Variants in PALM2AKAP2 observed in about 807,000 individuals in gnomAD.
PALM2AKAP2 encodes PALM2-AKAP2 fusion protein.
In PALM2AKAP2, 37 loss-of-function variants were observed where a neutral mutation model predicts 71.5. The ratio of observed to expected loss-of-function variants is 0.52; its 90% CI spans 0.40 to 0.68. The LOEUF (loss-of-function observed/expected upper bound fraction) is 0.68, where lower values mean the gene tolerates loss of function less well. Ranked by LOEUF, PALM2AKAP2 falls within the 30% of genes least tolerant of loss-of-function variation. PALM2AKAP2 has a pLI of 0.00. For missense variants in PALM2AKAP2, 1,224 were observed against 1,191.8 expected (o/e 1.03, Z -0.40); for synonymous variants, 468 against 478.8 (o/e 0.98, Z 0.29).
chr9:109,923,804 A>G (rs1309434051), exon 4 of PALM2AKAP2: 4 of 1,603,548 alleles, frequency 2.5e-6, no homozygotes, highest in Non-Finnish European at 3.4e-6. Flanking sequence ...AAATCATCCT[A>G]GAGAAACTGA....
intron 1 of PALM2AKAP2, among the ~76,000 whole-genome samples, chr9:109,822,264 CATCT>C (rs1415245635): frequency 1.7e-5 from 2 of 117,538 alleles, no homozygotes; most frequent in East Asian, 2.8e-4. Context: ...CTTCCCCATC[CATCT>C]ATCCATCCAT....
intron 1 of PALM2AKAP2, among the ~76,000 whole-genome samples, chr9:109,863,930 A>G (rs1342544241): frequency 1.3e-5 from 2 of 152,128 alleles, no homozygotes; most frequent in Non-Finnish European, 2.9e-5. Context: ...AAATACAAAT[A>G]TTAGCCAAGC....
chr9:109,879,114 A>T (rs1164798866), intron 2 of PALM2AKAP2, among the ~76,000 whole-genome samples: 2 of 152,198 alleles, frequency 1.3e-5, no homozygotes, highest in South Asian at 4.1e-4. Flanking sequence ...GAGTCTATGG[A>T]ATTGTGCATC....
chr9:109,932,206 C>T (rs2277146), intron 6 of PALM2AKAP2, among the ~76,000 whole-genome samples, 178 bp downstream of exon 6: 39,701 of 152,166 alleles, frequency 0.26, 5,689 homozygotes, highest in East Asian at 0.55. Flanking sequence ...AGATGGGTAA[C>T]TGAGGACCAA....
At chr9:109,772,410 A>G (rs536827211) in intron 1 of PALM2AKAP2, among the ~76,000 whole-genome samples, 2 of 152,334 alleles carry the variant, frequency 1.3e-5, no homozygotes, top group South Asian at 4.1e-4. Context: ...CTCTGAATGA[A>G]TGCAGAAAGA....
intron 1 of PALM2AKAP2, among the ~76,000 whole-genome samples, chr9:109,679,589 T>C (rs540242374): frequency 1.3e-5 from 2 of 152,280 alleles, no homozygotes; most frequent in African/African-American, 2.4e-5. Flanking sequence ...ACTAATAATA[T>C]TGGGTTTTTC....
chr9:109,968,495 A>T (rs1040989569), intron 6 of PALM2AKAP2, among the ~76,000 whole-genome samples: 1 of 152,190 alleles, frequency 6.6e-6, no homozygotes, highest in Admixed American at 6.5e-5. Flanking sequence ...GTCTAGCTAT[A>T]TCATCAACAG....
intron 3 of PALM2AKAP2, among the ~76,000 whole-genome samples, chr9:109,899,159 C>T (rs1830274131): frequency 6.6e-6 from 1 of 152,054 alleles, no homozygotes; most frequent in African/African-American, 2.4e-5. Context: ...TCCCCCCAGA[C>T]ACCTATAACT....
chr9:109,717,537 A>G (rs566644642), intron 1 of PALM2AKAP2, among the ~76,000 whole-genome samples: 6 of 152,358 alleles, frequency 3.9e-5, no homozygotes, highest in Admixed American at 3.3e-4. Context: ...TGATTGAAAC[A>G]GGAAAGTACA....
intron 1 of PALM2AKAP2, among the ~76,000 whole-genome samples, chr9:109,866,269 T>G (rs996697947): frequency 2.6e-5 from 4 of 152,290 alleles, no homozygotes; most frequent in African/African-American, 9.6e-5. Flanking sequence ...GCAGCCAGGC[T>G]TCCGCATTGT....
At chr9:109,894,072 C>T (rs992194714) in intron 3 of PALM2AKAP2, among the ~76,000 whole-genome samples, 13 of 148,802 alleles carry the variant, frequency 8.7e-5, no homozygotes, top group African/African-American at 3.2e-4. Flanking sequence ...TGTGGTGGCT[C>T]ATGCCTGTAA....
chr9:109,986,150 A>G (rs974696923), intron 6 of PALM2AKAP2, among the ~76,000 whole-genome samples: 9 of 152,228 alleles, frequency 5.9e-5, no homozygotes, highest in Non-Finnish European at 1.2e-4. Flanking sequence ...AAGCCTTGGT[A>G]TAGTGTGTTC....
At chr9:109,729,423 G>A (rs77991757) in intron 1 of PALM2AKAP2, among the ~76,000 whole-genome samples, 6,490 of 152,282 alleles carry the variant, frequency 0.043, 191 homozygotes, top group Non-Finnish European at 0.053. Flanking sequence ...ATGAGGATTG[G>A]ATCGCTTCCA....
chr9:109,970,001 G>T (rs531557040), intron 6 of PALM2AKAP2, among the ~76,000 whole-genome samples: 2 of 152,350 alleles, frequency 1.3e-5, no homozygotes, highest in East Asian at 3.9e-4. Flanking sequence ...ACTGGAGAGT[G>T]CAACACAGGA....
chr9:110,135,152 CA>C (rs1198538795), intron 1 of PALM2AKAP2, among the ~76,000 whole-genome samples: 583 of 26,998 alleles, frequency 0.022, 54 homozygotes, highest in East Asian at 0.067. Context: ...TCTGTCTCTA[CA>C]AAAAAAAAAA....
intron 6 of PALM2AKAP2, among the ~76,000 whole-genome samples, chr9:110,010,210 C>A (rs982927841): frequency 6.6e-6 from 1 of 152,004 alleles, no homozygotes; most frequent in Non-Finnish European, 1.5e-5. Context: ...CAAACTTATT[C>A]TCTTCTTTCC....
intron 1 of PALM2AKAP2, among the ~76,000 whole-genome samples, chr9:109,677,923 TATTA>T (rs1827671488): frequency 6.6e-6 from 1 of 152,178 alleles, no homozygotes; most frequent in Non-Finnish European, 1.5e-5. Flanking sequence ...AGTTTGGGAA[TATTA>T]ATTAAAGCTG....
At chr9:110,020,540 G>C (rs763520056) in intron 7 of PALM2AKAP2, among the ~76,000 whole-genome samples, 1 of 151,882 alleles carries the variant, frequency 6.6e-6, no homozygotes, top group African/African-American at 2.4e-5. Flanking sequence ...AAAATTACCC[G>C]GGCGTGGTGA....
chr9:110,005,884 A>G (rs1832770856), intron 6 of PALM2AKAP2, among the ~76,000 whole-genome samples: 1 of 152,136 alleles, frequency 6.6e-6, no homozygotes, highest in Non-Finnish European at 1.5e-5. Flanking sequence ...AAAGTGCAGT[A>G]TTAGGGTGGG....
Sources: allele counts gnomAD v4.1 joint callset (sites outside exome capture counted in the v4.1 genomes callset), GRCh38; gene constraint gnomAD v4.1.1; transcripts MANE v1.5; gene names NCBI Gene and HGNC (gene_info 2026-07-23, HGNC 2026-07-21).